RNF220: variants seen among roughly 807,000 people sequenced by gnomAD.
RNF220 encodes the protein ring finger protein 220.
A neutral mutation model predicts 67.1 loss-of-function variants in RNF220; 7 were observed. The observed-to-expected ratio is 0.10, with a 90% CI of 0.06 to 0.20. RNF220 has a LOEUF of 0.20. Among genes scored for constraint, RNF220 ranks in the 10% least tolerant of loss-of-function variants. RNF220 has a pLI of 1.00. For synonymous variants in RNF220, 270 were observed against 283.2 expected, an observed-to-expected ratio of 0.95 and a Z score of 0.47; for missense variants, 565 against 740.3, an observed-to-expected ratio of 0.76 and a Z score of 2.75.
rs147622292 is a variant in RNF220, at chr1:44,621,782, T to C, written c.759-960T>C. ...TGTGTGTTCTTCTGCTTTCCGGGTA[T>C]ATCTGCAGGTGTGCTGTACGTTATA... is the stretch of plus-strand genomic sequence containing the variant. On this transcript the variant is annotated intron_variant, in intron 3 of 14. Coordinates refer to ENST00000361799, the MANE Select transcript of RNF220 (RefSeq NM_018150.4). The surrounding 1 kb of genome is among the most constrained non-coding windows in gnomAD (Gnocchi z 4.8). Among the ~76,000 whole-genome samples the C allele has an allele frequency of 6.6e-6, 1 of 152,344 alleles. No individual in the cohort carries two copies. The highest frequency in any genetic ancestry group is 1.5e-5 in the Non-Finnish European group (1 of 68,036).
chr1:44,474,024 G>A (rs4660806), intron 2 of RNF220, among the ~76,000 whole-genome samples: 2 of 151,662 alleles, frequency 1.3e-5, no homozygotes, highest in African/African-American at 2.4e-5. Context: ...CACAGATTCC[G>A]CATCCACAGA....
intron 2 of RNF220, among the ~76,000 whole-genome samples, chr1:44,525,976 C>G (rs1042673458): frequency 6.6e-6 from 1 of 152,184 alleles, no homozygotes; most frequent in African/African-American, 2.4e-5. Flanking sequence ...GTCCCTGGAC[C>G]ATTCCTAATT....
At chr1:44,562,374 G>A (rs182469574) in intron 2 of RNF220, among the ~76,000 whole-genome samples, 46 of 152,302 alleles carry the variant, frequency 3.0e-4, no homozygotes, top group East Asian at 7.7e-4. Context: ...GTCAGGGCCC[G>A]CTTGTGATGC....
chr1:44,536,726 C>T (rs574867047), intron 2 of RNF220, among the ~76,000 whole-genome samples: 5 of 152,310 alleles, frequency 3.3e-5, no homozygotes, highest in South Asian at 2.1e-4. Context: ...TTCTTTATTC[C>T]GCCCAAACCT....
At chr1:44,546,158 A>C (rs1662122533) in intron 2 of RNF220, among the ~76,000 whole-genome samples, 1 of 152,098 alleles carries the variant, frequency 6.6e-6, no homozygotes, top group South Asian at 2.1e-4. Flanking sequence ...TTGCCAGGTA[A>C]GCATGGGCTG....
Position 44,632,105 on chromosome 1 carries a change from C to T in RNF220, c.907-238C>T, listed in dbSNP as rs544435179. On this transcript the variant is annotated intron_variant, in intron 5 of 14. Transcript: ENST00000361799. ...AGAGCGCCGGAGGCCAGGGCTGGGG[C>T]GGCACCGCGCAGCGGCCACGGGGTC... 228 of 1,453,578 alleles carry T rather than the reference C, an allele frequency of 1.6e-4. 1 individual carries two copies. In the African/African-American group the frequency reaches 2.9e-3, roughly 19 times the overall value. 90.0% of individuals were successfully genotyped at this position (1,453,578 alleles called of 1,614,324 possible). A position where few individuals can be genotyped will look rare whatever the true frequency, so the allele number is the denominator to read the frequency against.
Position 44,592,690 on chromosome 1 carries a change from G to T in RNF220, c.626-21475G>T, listed in dbSNP as rs967758034. On this transcript the variant is annotated intron_variant, in intron 2 of 14. Transcript: ENST00000361799. ...ATTCATTTGTTAAAGCAAGGTGGGG[G>T]TGAGTATTATCATCCTCAGTCTCTA... Among the ~76,000 whole-genome samples, 4 of 152,326 alleles carry T rather than the reference G, an allele frequency of 2.6e-5. 1 individual carries two copies. The South Asian group carries it at 8.3e-4, about 32-fold the overall frequency.
At chr1:44,576,266 C>T (rs1664796710) in intron 2 of RNF220, among the ~76,000 whole-genome samples, 1 of 152,124 alleles carries the variant, frequency 6.6e-6, no homozygotes. Flanking sequence ...CAGACCTTAG[C>T]TACCAGGGAG....
chr1:44,529,865 A>G (rs2148186964), intron 2 of RNF220, among the ~76,000 whole-genome samples: 1 of 151,846 alleles, frequency 6.6e-6, no homozygotes, highest in East Asian at 1.9e-4. Flanking sequence ...AGCCTTGGCA[A>G]TATGGCAAAA....
intron 2 of RNF220, among the ~76,000 whole-genome samples, chr1:44,578,144 C>CCT (rs1664957374): frequency 3.2e-4 from 38 of 117,152 alleles, no homozygotes; most frequent in Admixed American, 6.5e-4. Flanking sequence ...TCTTTCTTTC[C>CCT]TTTTTTTTTT....
At chr1:44,607,725 G>A (rs754726381) in intron 2 of RNF220, among the ~76,000 whole-genome samples, 175 of 151,882 alleles carry the variant, frequency 1.2e-3, no homozygotes, top group Non-Finnish European at 8.5e-4. Flanking sequence ...TCCTGACCTC[G>A]TGATCCGCCC....
rs761528324 is a variant in RNF220, at chr1:44,635,538, C to T, written c.950-7C>T. The T allele has an allele frequency of 1.9e-5, 31 of 1,613,334 alleles. No individual in the cohort carries two copies. The highest frequency in any genetic ancestry group is 1.7e-4 in the Middle Eastern group (1 of 6,054). On this transcript the variant is annotated splice_polypyrimidine_tract_variant and splice_region_variant and intron_variant, in intron 6 of 14. Coordinates refer to ENST00000361799, the MANE Select transcript of RNF220 (RefSeq NM_018150.4). ...TTCTGTGCTTTGTTTTCGGTTTCCC[C>T]GTGCAGCTCGGATTGGGAAAATGAA...
chr1:44,431,380 A>G (rs995339798), intron 2 of RNF220, among the ~76,000 whole-genome samples: 27 of 151,754 alleles, frequency 1.8e-4, no homozygotes, highest in African/African-American at 6.5e-4. Context: ...AATCCAAGCT[A>G]CTCGGGAGGC....
intron 2 of RNF220, among the ~76,000 whole-genome samples, chr1:44,602,499 T>A (rs1312331348): frequency 6.6e-6 from 1 of 152,098 alleles, no homozygotes; most frequent in Non-Finnish European, 1.5e-5. Flanking sequence ...CATGGTCCTC[T>A]GTCCCAGAGG....
chr1:44,641,577 G>T (rs1170111648), intron 8 of RNF220, among the ~76,000 whole-genome samples: 1 of 152,186 alleles, frequency 6.6e-6, no homozygotes, highest in East Asian at 1.9e-4. Context: ...CCAAGCGGGA[G>T]GGGGGGCAAG....
rs1483146210 is a variant in RNF220 at position 44,535,819 on chromosome 1, G to T, written c.626-78346G>T. The stretch of plus-strand genomic sequence containing the variant: ...TCTGGTCAGCGAGCAGACCTTTGAA[G>T]AATTGGCTTCTTCAAACCTGTGGCC... On this transcript the variant is annotated intron_variant, in intron 2 of 14. Transcript: ENST00000361799. 5.9e-5 allele frequency among the ~76,000 whole-genome samples: 9 copies of T among 152,308 alleles called. No individual in the cohort carries two copies. In the East Asian group the frequency reaches 1.7e-3, roughly 29 times the overall value.
At chr1:44,487,845 A>G (rs1426963138) in intron 2 of RNF220, among the ~76,000 whole-genome samples, 1 of 150,490 alleles carries the variant, frequency 6.6e-6, no homozygotes, top group Admixed American at 6.6e-5. Flanking sequence ...GCACCACTGC[A>G]CTCCAGCCTG....
intron 2 of RNF220, among the ~76,000 whole-genome samples, chr1:44,518,125 A>G (rs563875837): frequency 4.0e-5 from 6 of 151,234 alleles, no homozygotes; most frequent in African/African-American, 9.7e-5. Context: ...AAAATAAAAT[A>G]TAAATAAATC....
chr1:44,543,054 G>T lies in RNF220; in HGVS notation c.626-71111G>T, dbSNP rs535021248. 4.2e-3 allele frequency among the ~76,000 whole-genome samples: 641 copies of T among 152,334 alleles called. 5 individuals carry two copies. Among genetic ancestry groups the T allele is most frequent in the African/African-American group, 0.015 (609 of 41,572 alleles). ...CCGGCTGGCCAAGGCTCTGCCTGGA[G>T]ACCATCGGAGAGCTGGGAAGAAGGA... On this transcript the variant is annotated intron_variant, in intron 2 of 14. Transcript: ENST00000361799.
Sources: allele counts gnomAD v4.1 joint callset (sites outside exome capture counted in the v4.1 genomes callset), GRCh38; gene constraint gnomAD v4.1.1; non-coding constraint Gnocchi (gnomAD v3.1); transcripts MANE v1.5; gene names NCBI Gene and HGNC (gene_info 2026-07-23, HGNC 2026-07-21).